The following SIVA1 variants were observed in gnomAD, a reference collection of about 807,000 sequenced individuals.
SIVA1 encodes the protein SIVA1 apoptosis inducing factor.
SIVA1 carries 10 observed loss-of-function variants against 19.7 expected under a neutral mutation model. The ratio of observed to expected loss-of-function variants is 0.51; its 90% CI spans 0.31 to 0.86. The LOEUF (loss-of-function observed/expected upper bound fraction) is 0.86. SIVA1 is among the 40% of genes least tolerant of loss of function. SIVA1 has a pLI of 0.04. For missense variants in SIVA1, 241 were observed against 245.2 expected (o/e 0.98, Z 0.11); for synonymous variants, 130 against 106.1 (o/e 1.23, Z -1.39).
Position 104,753,318 on chromosome 14 carries a change from C to A in SIVA1, c.117C>A (p.Phe39Leu). The change falls in exon 1 of 4, where the codon TTC becomes TTA. Residue 39 changes from phenylalanine (F) to leucine (L), a missense_variant and splice_region_variant. Transcript: ENST00000329967. ...CCGAGCGCTACTCGCAGGAGGTCTT[C>A]GGTGAGTGTCGGGCGGGCTGCCGAG... ...VCAERYSQEV[F>L]EKTKRLLFLG... The A allele has an allele frequency of 1.3e-6, 2 of 1,588,756 alleles. No individual in the cohort carries two copies. Among genetic ancestry groups the A allele is most frequent in the Non-Finnish European group, 1.7e-6 (2 of 1,167,880 alleles).
At chr14:104,756,819 G>T in intron 3 of SIVA1, 59 bp downstream of exon 3, 2 of 1,537,794 alleles carry the variant, frequency 1.3e-6, no homozygotes, top group South Asian at 1.3e-5. Context: ...GCCGTGATGG[G>T]GGACGGGTGG....
At chr14:104,755,999 C>G (rs1470444838) in intron 2 of SIVA1, 175 bp downstream of exon 2, 2 of 720,340 alleles carry the variant, frequency 2.8e-6, no homozygotes, top group Non-Finnish European at 4.9e-6. Context: ...ACATTCAAGA[C>G]TGGAAGTTGT....
At chr14:104,754,005 C>A in intron 1 of SIVA1, 1 of 285,446 alleles carries the variant, frequency 3.5e-6, no homozygotes, top group South Asian at 2.7e-5. Context: ...AGGAAGAGGG[C>A]GAGGCAGAAG....
rs778018804 is a variant in SIVA1 at position 104,759,491 on chromosome 14, G to A, written c.*6G>A. The A allele has an allele frequency of 1.2e-6, 2 of 1,608,494 alleles. No individual in the cohort carries two copies. The highest frequency in any genetic ancestry group is 1.7e-6 in the Non-Finnish European group (2 of 1,179,492). On this transcript the variant is annotated 3_prime_UTR_variant, in exon 4 of 4. Coordinates refer to ENST00000329967, the MANE Select transcript of SIVA1 (RefSeq NM_006427.4). The surrounding 1 kb of genome is among the most constrained non-coding windows in gnomAD (Gnocchi z 4.2). ...GTGCCATGTTCGAGACCTGAGGCTG[G>A]CTCAAGCCGGCTGCCTTCACCGGGA...
chr14:104,759,505 C>A lies in SIVA1; in HGVS notation c.*20C>A. On this transcript the variant is annotated 3_prime_UTR_variant, in exon 4 of 4. Coordinates refer to ENST00000329967, the MANE Select transcript of SIVA1 (RefSeq NM_006427.4). The surrounding 1 kb of genome is among the most constrained non-coding windows in gnomAD (Gnocchi z 4.2). The stretch of plus-strand genomic sequence containing the variant: ...ACCTGAGGCTGGCTCAAGCCGGCTG[C>A]CTTCACCGGGAGCCACGCCGTGCAT... The A allele has an allele frequency of 1.9e-6, 3 of 1,606,122 alleles. No individual in the cohort carries two copies. The highest frequency in any genetic ancestry group is 2.5e-6 in the Non-Finnish European group (3 of 1,178,704).
intron 2 of SIVA1, 57 bp downstream of exon 2, chr14:104,755,881 A>G: frequency 6.6e-7 from 1 of 1,514,506 alleles, no homozygotes. Flanking sequence ...TGGTGGCACG[A>G]GCATTTTTCT....
chr14:104,754,674 C>T (rs922785158), intron 1 of SIVA1, among the ~76,000 whole-genome samples: 6 of 152,164 alleles, frequency 3.9e-5, no homozygotes, highest in African/African-American at 1.4e-4. Context: ...AATTCCAGGC[C>T]ACAGCTGTTA....
chr14:104,756,242 T>A, intron 2 of SIVA1: 1 of 443,454 alleles, frequency 2.3e-6, no homozygotes, highest in Non-Finnish European at 4.2e-6. Context: ...CACCTCTTTG[T>A]TAACCAGTAA....
Position 104,759,637 on chromosome 14 carries a change from A to G in SIVA1, c.*152A>G. On this transcript the variant is annotated 3_prime_UTR_variant, in exon 4 of 4. Transcript: ENST00000329967. This position sits in a 1 kb window ranked among gnomAD's most constrained non-coding sequence, Gnocchi z 4.2. Reference sequence around the variant, plus strand: ...TTGTATCCTAATGACAGAATGAATAAACCTCTTTATATTTGCACAAGAGGA... The same window carrying G: ...TTGTATCCTAATGACAGAATGAATAGACCTCTTTATATTTGCACAAGAGGA... 1.7e-6 allele frequency: 1 copy of G among 579,774 alleles called. No homozygotes were observed. The highest frequency in any genetic ancestry group is 3.0e-6 in the Non-Finnish European group (1 of 328,568). 35.9% of individuals were successfully genotyped at this position (579,774 alleles called of 1,614,324 possible). A position where few individuals can be genotyped will look rare whatever the true frequency, so the allele number is the denominator to read the frequency against.
intron 2 of SIVA1, 86 bp downstream of exon 2, chr14:104,755,910 T>G (rs745469783): frequency 3.9e-6 from 5 of 1,293,994 alleles, no homozygotes; most frequent in Middle Eastern, 1.8e-4. Flanking sequence ...AAGGTCAGGC[T>G]TTTCCTCCCT....
At chr14:104,756,229 A>G in intron 2 of SIVA1, 1 of 438,258 alleles carries the variant, frequency 2.3e-6, no homozygotes, top group Non-Finnish European at 4.2e-6. Flanking sequence ...GGAGGAGCCC[A>G]GGCACCTCTT....
chr14:104,755,564 C>A, intron 1 of SIVA1, 66 bp from the exon 2 acceptor site: 4 of 1,394,048 alleles, frequency 2.9e-6, no homozygotes, highest in Middle Eastern at 2.5e-4. Context: ...TAGAAAGACT[C>A]AATGGCCATG....
At chr14:104,757,226 C>A in intron 3 of SIVA1, 1 of 385,274 alleles carries the variant, frequency 2.6e-6, no homozygotes, top group South Asian at 1.8e-5. Context: ...CTGCAGCTGG[C>A]TGGATCCCGT....
In SIVA1 at chr14:104,753,234, G is replaced by T. The variant is rs1221166793; in HGVS notation, c.33G>T (p.Val11=). 2 of 1,587,868 alleles carry T rather than the reference G, an allele frequency of 1.3e-6. No individual in the cohort carries two copies. Among genetic ancestry groups the T allele is most frequent in the Non-Finnish European group, 1.7e-6 (2 of 1,169,790 alleles). ...AGCGGAGCTGCCCCTTCGCGGACGTGGCCCCGCTACAGCTCAAGGTCCGCG... is the reference window on the plus strand; with the variant it reads ...AGCGGAGCTGCCCCTTCGCGGACGTTGCCCCGCTACAGCTCAAGGTCCGCG... MPKRSCPFAD[V]APLQLKVRVS... is the part of the protein sequence containing the mutation. Residue 11 remains valine (V), a synonymous_variant, in exon 1 of 4, where the codon GTG becomes GTT. Coordinates refer to ENST00000329967, the MANE Select transcript of SIVA1 (RefSeq NM_006427.4).
Position 104,759,298 on chromosome 14 carries a change from C to A in SIVA1, c.471-130C>A. 1.4e-6 allele frequency: 1 copy of A among 702,092 alleles called. No individual in the cohort carries two copies. The highest frequency in any genetic ancestry group is 2.8e-5 in the East Asian group (1 of 35,486). The allele number at this position is 702,092 out of a possible 1,614,324, so 43.5% of individuals were successfully genotyped here. On this transcript the variant is annotated intron_variant, in intron 3 of 3. Transcript: ENST00000329967. This position sits in a 1 kb window ranked among gnomAD's most constrained non-coding sequence, Gnocchi z 4.2. ...CTAGACTGATGATGCCCGCAGTGAT[C>A]CTGTCTCCAGATAAGGTCATGTCCT...
At chr14:104,757,008 T>G in intron 3 of SIVA1, 1 of 552,342 alleles carries the variant, frequency 1.8e-6, no homozygotes, top group Non-Finnish European at 3.2e-6. Context: ...AGTCCCTGTC[T>G]TCAGCCACTT....
At position 104,759,580 on chromosome 14, in the gene SIVA1, C is replaced by T. The variant is rs1039194179; in HGVS notation, c.*95C>T. On this transcript the variant is annotated 3_prime_UTR_variant, in exon 4 of 4. Transcript: ENST00000329967. The surrounding 1 kb of genome is among the most constrained non-coding windows in gnomAD (Gnocchi z 4.2). ...CGGTGTTCACACTGAACTGTGGGGT[C>T]GACGGGAGGGGTGCCTTTTACATGT... 16 of 963,738 alleles carry T rather than the reference C, an allele frequency of 1.7e-5. No homozygotes were observed. Among genetic ancestry groups the T allele is most frequent in the African/African-American group, 6.5e-5 (4 of 61,590 alleles). 59.7% of individuals were successfully genotyped at this position (963,738 alleles called of 1,614,324 possible).
intron 1 of SIVA1, chr14:104,753,972 A>G: frequency 3.3e-6 from 1 of 305,118 alleles, no homozygotes; most frequent in Non-Finnish European, 6.9e-6. Flanking sequence ...GGCGAGTAGG[A>G]GTTAGCCAGG....
At chr14:104,756,821 G>A (rs903194815) in intron 3 of SIVA1, 61 bp downstream of exon 3, 47 of 1,534,714 alleles carry the variant, frequency 3.1e-5, no homozygotes, top group Non-Finnish European at 3.7e-5. Context: ...CGTGATGGGG[G>A]ACGGGTGGGT....
Sources: gnomAD v4.1 joint callset for allele counts (sites outside exome capture counted in the v4.1 genomes callset) on GRCh38, gnomAD v4.1.1 for gene constraint, Gnocchi (gnomAD v3.1) non-coding constraint, MANE v1.5 for transcripts, NCBI Gene and HGNC (gene_info 2026-07-23, HGNC 2026-07-21) for gene names.